ZC2HC1A: variants seen among roughly 807,000 people sequenced by gnomAD.
ZC2HC1A encodes the protein zinc finger C2HC domain-containing protein 1A.
ZC2HC1A carries 28 observed loss-of-function variants against 40.7 expected under a neutral mutation model. The observed-to-expected ratio is 0.69, with a 90% CI of 0.51 to 0.94. ZC2HC1A has a LOEUF of 0.94. Among genes scored for constraint, ZC2HC1A ranks in the 40% least tolerant of loss-of-function variants. The pLI is 0.00. For missense variants in ZC2HC1A, 389 were observed against 386.3 expected (o/e 1.01, Z -0.06); for synonymous variants, 129 against 129.2 (o/e 1.00, Z 0.01).
chr8:78,687,132 G>A lies in ZC2HC1A; in HGVS notation c.352+524G>A, dbSNP rs181369651. 6.1e-3 allele frequency among the ~76,000 whole-genome samples: 933 copies of A among 152,026 alleles called. 6 individuals carry two copies. The highest frequency in any genetic ancestry group is 6.4e-3 in the Non-Finnish European group (438 of 67,944). On this transcript the variant is annotated intron_variant, in intron 4 of 8. Coordinates refer to ENST00000263849, the MANE Select transcript of ZC2HC1A (RefSeq NM_016010.3). ...GTTGCTTGAGTCATTGTTACTAAAAGCAAAGCAAGATTTTTGCAACCTTGT... is the reference window on the plus strand; with the variant it reads ...GTTGCTTGAGTCATTGTTACTAAAAACAAAGCAAGATTTTTGCAACCTTGT...
intron 4 of ZC2HC1A, among the ~76,000 whole-genome samples, chr8:78,687,636 A>ATATATATATGTAATACAT: frequency 7.7e-6 from 1 of 129,986 alleles, no homozygotes; most frequent in South Asian, 2.3e-4. Flanking sequence ...GTAATACATT[A>ATATATATATGTAATACAT]TATATATATT....
chr8:78,701,028 G>A (rs1482860773), intron 7 of ZC2HC1A, among the ~76,000 whole-genome samples: 1 of 152,156 alleles, frequency 6.6e-6, no homozygotes, highest in African/African-American at 2.4e-5. Flanking sequence ...GTTCTGTGAA[G>A]AATGTCACTG....
intron 3 of ZC2HC1A, among the ~76,000 whole-genome samples, chr8:78,681,901 C>CTT (rs56181953): frequency 2.4e-5 from 3 of 126,470 alleles, no homozygotes; most frequent in Admixed American, 8.1e-5. Context: ...CTTTTTCTTT[C>CTT]TTTTTTTTTT....
Position 78,698,479 on chromosome 8 carries a change from C to G in ZC2HC1A, c.670C>G (p.Pro224Ala), listed in dbSNP as rs748502580. 5.6e-6 allele frequency: 9 copies of G among 1,612,712 alleles called. No individual in the cohort carries two copies. The Admixed American group carries it at 1.5e-4, about 27-fold the overall frequency. The change falls in exon 7 of 9, where the codon CCC (proline) becomes GCC (alanine). Residue 224 changes from proline (P) to alanine (A), a missense_variant. Physicochemically the swap from Pro to Ala is conservative, Grantham distance 27 (BLOSUM62 -1). Transcript: ENST00000263849. Reference protein sequence around the residue: ...SLGNKLQTLSPSHKGIAAPHA... With the variant: ...SLGNKLQTLSASHKGIAAPHA... ...GGGAAACAAACTTCAGACCTTATCT[C>G]CCTCTCATAAAGGGATAGCAGCCCC...
At chr8:78,677,568 A>G (rs1157928688) in intron 2 of ZC2HC1A, among the ~76,000 whole-genome samples, 1 of 152,104 alleles carries the variant, frequency 6.6e-6, no homozygotes, top group African/African-American at 2.4e-5. Context: ...CTACTCTTAC[A>G]TTAACTTTTG....
intron 7 of ZC2HC1A, among the ~76,000 whole-genome samples, chr8:78,710,108 A>G (rs1430946755): frequency 2.6e-5 from 4 of 152,164 alleles, no homozygotes; most frequent in Non-Finnish European, 5.9e-5. Context: ...TCATTCAGCT[A>G]TGAGTATTTT....
intron 7 of ZC2HC1A, among the ~76,000 whole-genome samples, chr8:78,713,767 C>A (rs1469115629): frequency 6.6e-6 from 1 of 152,160 alleles, no homozygotes; most frequent in Admixed American, 6.6e-5. Context: ...TGTAATACAG[C>A]CCACTTAAGT....
intron 2 of ZC2HC1A, among the ~76,000 whole-genome samples, chr8:78,677,909 AT>A (rs1809634685): frequency 6.6e-6 from 1 of 152,120 alleles, no homozygotes; most frequent in Non-Finnish European, 1.5e-5. Context: ...TTTTATGGTT[AT>A]TTCTTGATGA....
In ZC2HC1A at chr8:78,717,654, G is replaced by A; in HGVS notation, c.*161G>A. On this transcript the variant is annotated 3_prime_UTR_variant, in exon 9 of 9. Coordinates refer to ENST00000263849, the MANE Select transcript of ZC2HC1A (RefSeq NM_016010.3). ...TCTTTTGGCTATATAATGTGTGTAT[G>A]TTTATATGTGTACATATACTGTATA... 1.5e-6 allele frequency: 1 copy of A among 675,204 alleles called. No individual in the cohort carries two copies. Among genetic ancestry groups the A allele is most frequent in the Non-Finnish European group, 2.4e-6 (1 of 420,336 alleles). The allele number at this position is 675,204 out of a possible 1,614,324, so 41.8% of individuals were successfully genotyped here.
chr8:78,688,453 CTG>C (rs1270271626), intron 4 of ZC2HC1A, among the ~76,000 whole-genome samples: 2 of 152,000 alleles, frequency 1.3e-5, no homozygotes, highest in African/African-American at 2.4e-5. Context: ...AGGGCAAACT[CTG>C]TATCAAAAAA....
intron 7 of ZC2HC1A, among the ~76,000 whole-genome samples, chr8:78,702,670 C>CT (rs1206348981): frequency 6.6e-6 from 1 of 152,126 alleles, no homozygotes; most frequent in Non-Finnish European, 1.5e-5. Context: ...TCTTTGTACT[C>CT]TAAGTTTCAA....
rs756139685 is a variant in ZC2HC1A, at chr8:78,689,232, A to G, written c.363A>G (p.Gln121=). 3 of 1,567,558 alleles carry G rather than the reference A, an allele frequency of 1.9e-6. No homozygotes were observed. The highest frequency in any genetic ancestry group is 1.4e-5 in the African/African-American group (1 of 72,422). ...PPPSYDPDYI[Q]CPYCQRRFNE... ...TTTTATCTGTTATAGATTATATTCA[A>G]TGTCCATATTGTCAGAGGAGATTCA... Residue 121 remains glutamine, a synonymous_variant, in exon 5 of 9, where the codon CAA becomes CAG. Transcript: ENST00000263849.
rs1242030583 is a variant in ZC2HC1A at position 78,719,705 on chromosome 8, T to C, written c.*2212T>C. 1 of 151,738 alleles carries C rather than the reference T, an allele frequency of 6.6e-6. No individual in the cohort carries two copies. 9.4% of individuals were successfully genotyped at this position (151,738 alleles called of 1,614,324 possible). A position where few individuals can be genotyped will look rare whatever the true frequency, so the allele number is the denominator to read the frequency against. On this transcript the variant is annotated 3_prime_UTR_variant, in exon 9 of 9. Coordinates refer to ENST00000263849, the MANE Select transcript of ZC2HC1A (RefSeq NM_016010.3). ...TTTCTTGTCCACTATTTGTTTTTTG[T>C]TTTTTCACCAATAATGTCTTCATAT...
In ZC2HC1A at chr8:78,697,988, TG is replaced by T. The variant is rs1281053858; in HGVS notation, c.605-425del. On this transcript the variant is annotated intron_variant, in intron 6 of 8. Transcript: ENST00000263849. ...CCACCGTGGTGCCGAGCCACTTTTT[TG>T]TTGTTTTTTTCAGCTTAAATGTTGG... 5.3e-5 allele frequency among the ~76,000 whole-genome samples: 8 copies of T among 152,266 alleles called. 1 individual carries two copies. Among genetic ancestry groups the T allele is most frequent in the Admixed American group, 5.2e-4 (8 of 15,294 alleles).
intron 7 of ZC2HC1A, chr8:78,711,990 T>C (rs1215021658): frequency 5.4e-6 from 7 of 1,288,270 alleles, no homozygotes; most frequent in Non-Finnish European, 6.1e-6. Flanking sequence ...ATTTTAATAG[T>C]AATATGGACA....
In ZC2HC1A at chr8:78,717,641, A is replaced by G. The variant is rs1811149023; in HGVS notation, c.*148A>G. ...TTTTGAAGTGTAATCTTTTGGCTAT[A>G]TAATGTGTGTATGTTTATATGTGTA... is the stretch of plus-strand genomic sequence containing the variant. On this transcript the variant is annotated 3_prime_UTR_variant, in exon 9 of 9. Transcript: ENST00000263849. The G allele has an allele frequency of 3.6e-6, 3 of 823,982 alleles. No individual in the cohort carries two copies. Among genetic ancestry groups the G allele is most frequent in the South Asian group, 3.9e-5 (2 of 50,888 alleles). 51.0% of individuals were successfully genotyped at this position (823,982 alleles called of 1,614,324 possible). A position where few individuals can be genotyped will look rare whatever the true frequency, so the allele number is the denominator to read the frequency against.
Position 78,686,715 on chromosome 8 carries a change from G to A in ZC2HC1A, c.352+107G>A, listed in dbSNP as rs945743004. 12 of 1,199,258 alleles carry A rather than the reference G, an allele frequency of 1.0e-5. No individual in the cohort carries two copies. In the African/African-American group the frequency reaches 1.9e-4, roughly 19 times the overall value. The allele number at this position is 1,199,258 out of a possible 1,614,324, so 74.3% of individuals were successfully genotyped here. On this transcript the variant is annotated intron_variant, in intron 4 of 8. Transcript: ENST00000263849. ...TTAACTTACAATCATGGAGTGTTAT[G>A]AGGCATAATCTTTAAAATTTGGTGT... is the stretch of plus-strand genomic sequence containing the variant.
At position 78,718,924 on chromosome 8, in the gene ZC2HC1A, T is replaced by G. The variant is rs559276240; in HGVS notation, c.*1431T>G. On this transcript the variant is annotated 3_prime_UTR_variant, in exon 9 of 9. Coordinates refer to ENST00000263849, the MANE Select transcript of ZC2HC1A (RefSeq NM_016010.3). Reference sequence around the variant, plus strand: ...CTATAAGACACAATGTAAAGAATTGTGGCTTATAATTTATCTGAAATTTAT... The same window carrying G: ...CTATAAGACACAATGTAAAGAATTGGGGCTTATAATTTATCTGAAATTTAT... The G allele has an allele frequency of 6.6e-6, 1 of 151,886 alleles. No individual in the cohort carries two copies. Among genetic ancestry groups the G allele is most frequent in the East Asian group, 1.9e-4 (1 of 5,186 alleles). 9.4% of individuals were successfully genotyped at this position (151,886 alleles called of 1,614,324 possible).
At chr8:78,715,590 T>C (rs1413652661) in intron 8 of ZC2HC1A, among the ~76,000 whole-genome samples, 1 of 151,832 alleles carries the variant, frequency 6.6e-6, no homozygotes, top group Non-Finnish European at 1.5e-5. Context: ...TTAATAAGAG[T>C]TTGGAAGAAG....
Sources: allele counts gnomAD v4.1 joint callset (sites outside exome capture counted in the v4.1 genomes callset), GRCh38; gene constraint gnomAD v4.1.1; transcripts MANE v1.5; gene names NCBI Gene and HGNC (gene_info 2026-07-23, HGNC 2026-07-21).